Variants in SNX9 observed in about 807,000 individuals in gnomAD.
The protein encoded by SNX9 is sorting nexin 9.
A neutral mutation model predicts 89.4 loss-of-function variants in SNX9; 44 were observed. The observed-to-expected ratio is 0.49, with a 90% confidence interval of 0.39 to 0.63. The LOEUF (loss-of-function observed/expected upper bound fraction) is 0.63, where lower values mean the gene tolerates loss of function less well. Ranked by LOEUF, SNX9 falls within the 30% of genes least tolerant of loss-of-function variation. The pLI, the probability that SNX9 is intolerant of heterozygous loss-of-function variation, is 0.00. For missense variants in SNX9, 578 were observed against 736.1 expected, an observed-to-expected ratio of 0.79 and a Z score of 2.49; for synonymous variants, 236 against 247.8, an observed-to-expected ratio of 0.95 and a Z score of 0.45.
intron 1 of SNX9, among the ~76,000 whole-genome samples, chr6:157,848,180 G>A (rs1781840207): frequency 6.6e-6 from 1 of 152,172 alleles, no homozygotes; most frequent in Non-Finnish European, 1.5e-5. Context: ...TCACCACTAT[G>A]TCCCCCTAGA....
intron 1 of SNX9, among the ~76,000 whole-genome samples, chr6:157,835,654 G>T (rs1190011589): frequency 6.6e-6 from 1 of 152,008 alleles, no homozygotes; most frequent in African/African-American, 2.4e-5. Context: ...GAATCACGGG[G>T]TCGATTTCCC....
At chr6:157,895,642 G>A (rs534745929) in intron 4 of SNX9, among the ~76,000 whole-genome samples, 4 of 151,846 alleles carry the variant, frequency 2.6e-5, no homozygotes, top group African/African-American at 9.7e-5. Context: ...AAAAAGTACC[G>A]AGCAAAAATA....
At chr6:157,925,931 C>T (rs1783682978) in intron 10 of SNX9, among the ~76,000 whole-genome samples, 1 of 152,190 alleles carries the variant, frequency 6.6e-6, no homozygotes, top group Non-Finnish European at 1.5e-5. Flanking sequence ...GTGAGGGCTG[C>T]ATCCTCCAAA....
At chr6:157,903,939 C>T (rs544337102) in intron 6 of SNX9, among the ~76,000 whole-genome samples, 1 of 152,158 alleles carries the variant, frequency 6.6e-6, no homozygotes, top group East Asian at 1.9e-4. Flanking sequence ...GTGCTGTGAA[C>T]GATTTAACAC....
intron 9 of SNX9, among the ~76,000 whole-genome samples, chr6:157,910,686 AGCACCTTGTAAGTATGCAGG>A (rs200274119): frequency 0.015 from 2,275 of 152,214 alleles, 64 homozygotes; most frequent in African/African-American, 0.052. Flanking sequence ...GTGTTACTAG[AGCACCTTGTAAGTATGCAGG>A]GCACCTTGTA....
intron 1 of SNX9, chr6:157,830,048 CCA>C (rs1417677229): frequency 6.6e-6 from 1 of 152,158 alleles, no homozygotes; most frequent in African/African-American, 2.4e-5. Context: ...TTATTTAACT[CCA>C]GTCATCTCCC....
At chr6:157,848,769 A>C (rs2115119276) in intron 1 of SNX9, among the ~76,000 whole-genome samples, 1 of 152,342 alleles carries the variant, frequency 6.6e-6, no homozygotes, top group East Asian at 1.9e-4. Context: ...ACGATAGTAC[A>C]GCAGCCGTAA....
intron 1 of SNX9, among the ~76,000 whole-genome samples, chr6:157,830,955 G>A (rs1781468109): frequency 6.6e-6 from 1 of 152,128 alleles, no homozygotes; most frequent in East Asian, 1.9e-4. Context: ...TCTTTCCTCA[G>A]TCAGGCCAAA....
chr6:157,924,278 TGGA>T lies in SNX9; in HGVS notation c.1080+2622_1080+2624del, dbSNP rs1372636343. 1.3e-4 allele frequency: 20 copies of T among 151,654 alleles called. No homozygotes were observed. In the East Asian group the frequency reaches 3.1e-3, roughly 23 times the overall value. The allele number at this position is 151,654 out of a possible 1,614,324, so 9.4% of individuals were successfully genotyped here. ...GAAAAAAAAAATCCCAGAGGTAAAATGGAGGAGAATACCTATGAAACAAGATTG... is the reference window on the plus strand; with the variant it reads ...GAAAAAAAAAATCCCAGAGGTAAAATGGAGAATACCTATGAAACAAGATTG... On this transcript the variant is annotated intron_variant, in intron 10 of 17. Transcript: ENST00000392185.
chr6:157,825,868 T>G (rs185074045), intron 1 of SNX9, among the ~76,000 whole-genome samples: 7 of 152,316 alleles, frequency 4.6e-5, no homozygotes, highest in Admixed American at 3.3e-4. Context: ...TTTCTTTGTC[T>G]TCTTCAAGGG....
chr6:157,889,970 G>T (rs13204855), intron 4 of SNX9, among the ~76,000 whole-genome samples: 9,224 of 152,208 alleles, frequency 0.061, 308 homozygotes, highest in South Asian at 0.1. Flanking sequence ...TTGTATAAGT[G>T]TGGGGACTAA....
intron 5 of SNX9, among the ~76,000 whole-genome samples, chr6:157,899,926 C>T (rs143970755): frequency 1.9e-3 from 279 of 147,484 alleles, no homozygotes; most frequent in South Asian, 3.7e-3. Context: ...TGTGCAAGTG[C>T]GTGCCTGTGG....
chr6:157,828,644 C>A (rs1379388008), intron 1 of SNX9, among the ~76,000 whole-genome samples: 1 of 152,094 alleles, frequency 6.6e-6, no homozygotes, highest in Non-Finnish European at 1.5e-5. Context: ...CAGGTGTGCA[C>A]CACCATGCCC....
At chr6:157,842,651 A>G (rs1399028185) in intron 1 of SNX9, among the ~76,000 whole-genome samples, 1 of 152,150 alleles carries the variant, frequency 6.6e-6, no homozygotes, top group Non-Finnish European at 1.5e-5. Flanking sequence ...ATGGAATCTT[A>G]AGGGGTTGAA....
chr6:157,901,934 A>G lies in SNX9; in HGVS notation c.509A>G (p.Asp170Gly). 1 of 1,611,502 alleles carries G rather than the reference A, an allele frequency of 6.2e-7. No homozygotes were observed. The highest frequency in any genetic ancestry group is 8.5e-7 in the Non-Finnish European group (1 of 1,179,232). ...GATGATGACTGGGATGAAGACTGGGATGGGCCCAAATCCTCTTCCTACTTT... is the reference window on the plus strand; with the variant it reads ...GATGATGACTGGGATGAAGACTGGGGTGGGCCCAAATCCTCTTCCTACTTT... ...GDDDDWDEDW[D>G]GPKSSSYFKD... Residue 170 changes from aspartate to glycine, a missense_variant, in exon 6 of 18, where the codon GAT (aspartate) becomes GGT (glycine). Around this residue, in one of 2 missense-constraint regions of SNX9, gnomAD observed 230 missense variants for 244.7 expected, o/e 0.94. Coordinates refer to ENST00000392185, the MANE Select transcript of SNX9 (RefSeq NM_016224.5).
At chr6:157,930,789 G>A (rs542113804) in intron 12 of SNX9, among the ~76,000 whole-genome samples, 22 of 152,268 alleles carry the variant, frequency 1.4e-4, no homozygotes, top group African/African-American at 4.1e-4. Context: ...GTTGGGGACC[G>A]TTGCTCTAAA....
intron 4 of SNX9, among the ~76,000 whole-genome samples, chr6:157,883,154 G>T (rs184627884): frequency 6.6e-6 from 1 of 152,306 alleles, no homozygotes; most frequent in East Asian, 1.9e-4. Context: ...AAAGGGTGCA[G>T]CTTGACTAGT....
At chr6:157,883,027 A>C (rs1583215545) in intron 4 of SNX9, among the ~76,000 whole-genome samples, 1 of 152,152 alleles carries the variant, frequency 6.6e-6, no homozygotes. Flanking sequence ...TTGACATGGC[A>C]GACTTCATTG....
Position 157,937,431 on chromosome 6 carries a change from T to C in SNX9, c.1444-3T>C. ...GTAACAATCAGCTTGTATCTTGTTA[T>C]AGCCAAAGAAAGATCTCCATTTCCT... On this transcript the variant is annotated splice_region_variant and splice_polypyrimidine_tract_variant and intron_variant, in intron 14 of 17. Transcript: ENST00000392185. 1.2e-6 allele frequency: 2 copies of C among 1,609,262 alleles called. No homozygotes were observed. Among genetic ancestry groups the C allele is most frequent in the Non-Finnish European group, 1.7e-6 (2 of 1,175,940 alleles).
Sources: gnomAD v4.1 joint callset for allele counts (sites outside exome capture counted in the v4.1 genomes callset) on GRCh38, gnomAD v4.1.1 for gene constraint, gnomAD v4.1.1 regional missense constraint, MANE v1.5 for transcripts, NCBI Gene and HGNC (gene_info 2026-07-23, HGNC 2026-07-21) for gene names.